The following FARSB variants were observed in gnomAD, a reference collection of about 807,000 sequenced individuals.
FARSB encodes phenylalanine--tRNA ligase beta subunit.
A neutral mutation model predicts 69.6 loss-of-function variants in FARSB; 40 were observed. The ratio of observed to expected loss-of-function variants is 0.57; its 90% CI spans 0.45 to 0.75. The LOEUF (loss-of-function observed/expected upper bound fraction) is 0.75, where lower values mean the gene tolerates loss of function less well. FARSB is among the 30% of genes least tolerant of loss of function. FARSB has a pLI of 0.00. For synonymous variants in FARSB, 235 were observed against 247.2 expected (o/e 0.95, Z 0.46); for missense variants, 632 against 722.9 (o/e 0.87, Z 1.44).
At chr2:222,585,576 G>C (rs1427392762) in intron 16 of FARSB, among the ~76,000 whole-genome samples, 1 of 152,200 alleles carries the variant, frequency 6.6e-6, no homozygotes, top group Non-Finnish European at 1.5e-5. Context: ...AAACTTCTCT[G>C]AGCTAAAGGA....
chr2:222,617,692 T>C (rs2106213224), intron 14 of FARSB, among the ~76,000 whole-genome samples: 1 of 152,304 alleles, frequency 6.6e-6, no homozygotes, highest in South Asian at 2.1e-4. Flanking sequence ...GAGACCAGCC[T>C]GTCCAACATG....
chr2:222,632,868 T>A lies in FARSB; in HGVS notation c.715+331A>T, dbSNP rs910197722. The stretch of plus-strand genomic sequence containing the variant: ...AAAAAAAAAACAAAAGAAAAAAAAC[T>A]ACAGACATGACAGAGTTTGACTTTG... On this transcript the variant is annotated intron_variant, in intron 7 of 16. Coordinates refer to ENST00000281828, the MANE Select transcript of FARSB (RefSeq NM_005687.5). Among the ~76,000 whole-genome samples, 11 of 150,250 alleles carry A rather than the reference T, an allele frequency of 7.3e-5. No homozygotes were observed. In the South Asian group the frequency reaches 2.1e-3, roughly 29 times the overall value.
At chr2:222,629,363 T>A (rs1454995077) in intron 9 of FARSB, among the ~76,000 whole-genome samples, 1 of 152,330 alleles carries the variant, frequency 6.6e-6, no homozygotes, top group Non-Finnish European at 1.5e-5. Context: ...AAGGACCACA[T>A]AGATGTGTTA....
chr2:222,587,765 G>C lies in FARSB; in HGVS notation c.1618+12163C>G, dbSNP rs182024448. Among the ~76,000 whole-genome samples, 493 of 152,220 alleles carry C rather than the reference G, an allele frequency of 3.2e-3. 2 individuals are homozygous for C. The highest frequency in any genetic ancestry group is 0.011 in the African/African-American group (468 of 41,550). On this transcript the variant is annotated intron_variant, in intron 16 of 16. Coordinates refer to ENST00000281828, the MANE Select transcript of FARSB (RefSeq NM_005687.5). ...ATAAACTAGAAAATCTAGAAGAAAT[G>C]GATAAATTCCTTGACACATACACCC...
intron 2 of FARSB, among the ~76,000 whole-genome samples, chr2:222,643,982 T>G (rs1342222875): frequency 6.6e-6 from 1 of 152,228 alleles, no homozygotes; most frequent in Non-Finnish European, 1.5e-5. Flanking sequence ...ACAAGTTGTA[T>G]TCCAACTGTT....
At chr2:222,577,822 CATTT>C (rs1382003895) in intron 16 of FARSB, among the ~76,000 whole-genome samples, 6 of 152,118 alleles carry the variant, frequency 3.9e-5, no homozygotes, top group Non-Finnish European at 7.4e-5. Flanking sequence ...TCTTATGAAA[CATTT>C]AGTTAATTAG....
At chr2:222,586,188 A>C (rs546136404) in intron 16 of FARSB, among the ~76,000 whole-genome samples, 1 of 152,352 alleles carries the variant, frequency 6.6e-6, no homozygotes, top group African/African-American at 2.4e-5. Flanking sequence ...AAACCAGAAG[A>C]GAGTGGGGGC....
chr2:222,645,484 T>C (rs1691826226), intron 2 of FARSB, among the ~76,000 whole-genome samples: 1 of 152,200 alleles, frequency 6.6e-6, no homozygotes, highest in East Asian at 1.9e-4. Context: ...AATGTACAAT[T>C]TTTTAGCCTG....
chr2:222,654,580 A>G (rs541331927), intron 1 of FARSB, among the ~76,000 whole-genome samples: 1 of 152,350 alleles, frequency 6.6e-6, no homozygotes, highest in East Asian at 1.9e-4. Context: ...AAATATAAAT[A>G]AGCTCATTAT....
rs753368765 is a variant in FARSB at position 222,624,788 on chromosome 2, G to T, written c.901-13C>A. 2.6e-6 allele frequency: 4 copies of T among 1,543,924 alleles called. No individual in the cohort carries two copies. Among genetic ancestry groups the T allele is most frequent in the East Asian group, 4.5e-5 (2 of 44,456 alleles). On this transcript the variant is annotated splice_polypyrimidine_tract_variant and intron_variant, in intron 10 of 16. Transcript: ENST00000281828. ...GGTAAGCTAATTCCTTAAATAGAAA[G>T]AGTTTAAAAAGTAAATCATTTCCCA...
At chr2:222,630,718 A>T (rs1186828107) in intron 8 of FARSB, among the ~76,000 whole-genome samples, 2 of 152,222 alleles carry the variant, frequency 1.3e-5, no homozygotes, top group East Asian at 3.8e-4. Context: ...CCTTATTGGA[A>T]TATATGCTTT....
chr2:222,592,766 T>C (rs1378535177), intron 16 of FARSB, among the ~76,000 whole-genome samples: 1 of 151,626 alleles, frequency 6.6e-6, no homozygotes, highest in African/African-American at 2.4e-5. Flanking sequence ...TGGATGTAAA[T>C]ACAGTAGTCT....
intron 1 of FARSB, among the ~76,000 whole-genome samples, chr2:222,655,235 G>A (rs761507525): frequency 1.3e-5 from 2 of 151,716 alleles, no homozygotes; most frequent in East Asian, 1.9e-4. Context: ...CAGCTGCTAC[G>A]GCTGTGAGGT....
chr2:222,638,127 A>T (rs34838784), intron 5 of FARSB, among the ~76,000 whole-genome samples: 45,620 of 152,136 alleles, frequency 0.3, 7,586 homozygotes, highest in Non-Finnish European at 0.38. Context: ...ATAAAGAAAC[A>T]TTATGAACAA....
chr2:222,634,644 A>G (rs1464987400), intron 5 of FARSB, 103 bp from the exon 6 acceptor site: 14 of 785,134 alleles, frequency 1.8e-5, no homozygotes, highest in Non-Finnish European at 2.7e-5. Context: ...TAACATAAAT[A>G]TAGACTACAT....
intron 16 of FARSB, among the ~76,000 whole-genome samples, chr2:222,582,787 T>C (rs913174087): frequency 6.6e-6 from 1 of 151,886 alleles, no homozygotes; most frequent in Admixed American, 6.6e-5. Flanking sequence ...TAGTCGGGTG[T>C]GGTGGCAGGC....
intron 16 of FARSB, among the ~76,000 whole-genome samples, chr2:222,597,932 C>T (rs1559196162): frequency 6.6e-6 from 1 of 152,184 alleles, no homozygotes; most frequent in Non-Finnish European, 1.5e-5. Flanking sequence ...CTAGCTGCAG[C>T]CTTTCCCTAG....
At chr2:222,642,276 T>C (rs1311436933) in intron 3 of FARSB, among the ~76,000 whole-genome samples, 2 of 152,360 alleles carry the variant, frequency 1.3e-5, no homozygotes, top group African/African-American at 4.8e-5. Context: ...GCTGGGATTA[T>C]GGGCATGAGC....
chr2:222,628,260 C>G (rs60046797), intron 10 of FARSB, among the ~76,000 whole-genome samples: 1 of 151,970 alleles, frequency 6.6e-6, no homozygotes, highest in Admixed American at 6.6e-5. Context: ...AAATAATTAA[C>G]GACAATTTAT....
Sources: allele counts gnomAD v4.1 joint callset (sites outside exome capture counted in the v4.1 genomes callset), GRCh38; gene constraint gnomAD v4.1.1; transcripts MANE v1.5; gene names NCBI Gene and HGNC (gene_info 2026-07-23, HGNC 2026-07-21).